The following LRRC37A2 variants were observed in gnomAD, a reference collection of about 807,000 sequenced individuals.
LRRC37A2 encodes leucine rich repeat containing 37 member A2, also known as leucine-rich repeat-containing protein 37A2.
LRRC37A2 carries 9 observed loss-of-function variants against 68.8 expected under a neutral mutation model. The ratio of observed to expected loss-of-function variants is 0.13; its 90% CI spans 0.08 to 0.23. The LOEUF (loss-of-function observed/expected upper bound fraction) is 0.23. Among genes scored for constraint, LRRC37A2 ranks in the 10% least tolerant of loss-of-function variants. LRRC37A2 has a pLI of 1.00. For synonymous variants in LRRC37A2, 63 were observed against 367.6 expected (o/e 0.17, Z 9.48); for missense variants, 168 against 950.4 (o/e 0.18, Z 10.82).
the LRRC37A2 span, among the ~76,000 whole-genome samples, chr17:46,759,060 C>T: frequency 4.6e-5 from 7 of 152,060 alleles, no homozygotes; most frequent in Non-Finnish European, 5.9e-5. Flanking sequence ...CACAATTAGC[C>T]GGGCATGGTG....
At chr17:46,872,246 T>C in the LRRC37A2 span, among the ~76,000 whole-genome samples, 1 of 152,162 alleles carries the variant, frequency 6.6e-6, no homozygotes, top group African/African-American at 2.4e-5. Flanking sequence ...CCCCAGATGA[T>C]TTTTCTAACT....
At chr17:46,736,908 A>G in the LRRC37A2 span, among the ~76,000 whole-genome samples, 1 of 152,252 alleles carries the variant, frequency 6.6e-6, no homozygotes, top group Non-Finnish European at 1.5e-5. Flanking sequence ...GCTCAGTGCC[A>G]TGCTCCCCAT....
At chr17:46,974,629 G>A in the LRRC37A2 span, among the ~76,000 whole-genome samples, 1 of 152,074 alleles carries the variant, frequency 6.6e-6, no homozygotes, top group Non-Finnish European at 1.5e-5. Context: ...AGCTACTCGG[G>A]AGGCTGAGGC....
At chr17:46,902,259 C>T in the LRRC37A2 span, among the ~76,000 whole-genome samples, 1 of 152,200 alleles carries the variant, frequency 6.6e-6, no homozygotes, top group South Asian at 2.1e-4. Context: ...GTTATTTTTC[C>T]CGTGCTTTAG....
At chr17:47,000,768 T>C in the LRRC37A2 span, among the ~76,000 whole-genome samples, 1 of 152,142 alleles carries the variant, frequency 6.6e-6, no homozygotes, top group African/African-American at 2.4e-5. Context: ...CCTTCCAAAG[T>C]CACCTTGAGA....
the LRRC37A2 span, among the ~76,000 whole-genome samples, chr17:46,742,523 A>T: frequency 2.6e-5 from 4 of 152,238 alleles, no homozygotes; most frequent in African/African-American, 9.6e-5. Flanking sequence ...TAGTAAGTAT[A>T]TAGTATGTAA....
the LRRC37A2 span, among the ~76,000 whole-genome samples, chr17:46,723,212 C>T: frequency 4.1e-4 from 63 of 152,320 alleles, no homozygotes; most frequent in African/African-American, 1.4e-3. Context: ...CTACTGCAAC[C>T]AGCCAGGCTG....
chr17:46,867,494 G>A, the LRRC37A2 span, among the ~76,000 whole-genome samples: 1 of 152,364 alleles, frequency 6.6e-6, no homozygotes, highest in South Asian at 2.1e-4. Context: ...AGACTACCTA[G>A]GCCAGAACAG....
At chr17:46,982,388 G>A in the LRRC37A2 span, among the ~76,000 whole-genome samples, 11 of 152,194 alleles carry the variant, frequency 7.2e-5, no homozygotes, top group African/African-American at 1.2e-4. Context: ...GCAGAATGGG[G>A]CCCTGCCCAC....
the LRRC37A2 span, among the ~76,000 whole-genome samples, chr17:47,004,321 G>C: frequency 6.6e-6 from 1 of 152,188 alleles, no homozygotes; most frequent in Non-Finnish European, 1.5e-5. Context: ...GGTTGAACTA[G>C]TTTACCTTTT....
At chr17:46,720,329 G>A in the LRRC37A2 span, among the ~76,000 whole-genome samples, 226 of 152,150 alleles carry the variant, frequency 1.5e-3, no homozygotes, top group African/African-American at 5.3e-3. Context: ...TATCTCTTTG[G>A]CGTAGAAAGG....
chr17:46,951,775 G>GAA, the LRRC37A2 span, among the ~76,000 whole-genome samples: 1 of 152,260 alleles, frequency 6.6e-6, no homozygotes, highest in African/African-American at 2.4e-5. Context: ...ACTCAGAGAG[G>GAA]AAAAATGGCC....
At chr17:46,773,562 G>A in the LRRC37A2 span, 10 of 1,301,272 alleles carry the variant, frequency 7.7e-6, no homozygotes, top group African/African-American at 1.5e-4. Flanking sequence ...CTCCCAGAGG[G>A]ACCCTGGCTT....
At chr17:47,025,994 C>T in the LRRC37A2 span, among the ~76,000 whole-genome samples, 2 of 137,234 alleles carry the variant, frequency 1.5e-5, no homozygotes, top group African/African-American at 5.5e-5. Context: ...CTAGTCCATG[C>T]TTTCAGGGAC....
chr17:46,768,266 C>T, the LRRC37A2 span: 21 of 1,610,872 alleles, frequency 1.3e-5, no homozygotes, highest in Non-Finnish European at 1.8e-5. The surrounding 1 kb of genome is among the most constrained non-coding windows in gnomAD (Gnocchi z 5.0). Flanking sequence ...AACCCCATTC[C>T]CTGCGCCCAG....
the LRRC37A2 span, among the ~76,000 whole-genome samples, chr17:46,810,194 G>T: frequency 2.0e-5 from 3 of 151,986 alleles, no homozygotes; most frequent in Non-Finnish European, 4.4e-5. Flanking sequence ...TTTTAGTAGA[G>T]ACAGGGTTTC....
At chr17:46,870,065 C>T in the LRRC37A2 span, among the ~76,000 whole-genome samples, 2 of 152,076 alleles carry the variant, frequency 1.3e-5, no homozygotes, top group Non-Finnish European at 2.9e-5. Flanking sequence ...ATATAATAAT[C>T]ATAGCTATTA....
the LRRC37A2 span, among the ~76,000 whole-genome samples, chr17:46,805,098 A>G: frequency 1.3e-5 from 2 of 152,112 alleles, no homozygotes; most frequent in African/African-American, 4.8e-5. Context: ...TGAGACCACG[A>G]ACCCACTGGA....
At chr17:46,896,931 A>C in the LRRC37A2 span, among the ~76,000 whole-genome samples, 1 of 151,962 alleles carries the variant, frequency 6.6e-6, no homozygotes, top group Non-Finnish European at 1.5e-5. Flanking sequence ...CCAAATCAAC[A>C]CTATTGGGTC....
Sources: gnomAD v4.1 joint callset for allele counts (sites outside exome capture counted in the v4.1 genomes callset) on GRCh38, gnomAD v4.1.1 for gene constraint, Gnocchi (gnomAD v3.1) non-coding constraint, MANE v1.5 for transcripts, NCBI Gene and HGNC (gene_info 2026-07-23, HGNC 2026-07-21) for gene names.